EP400: variants seen among roughly 807,000 people sequenced by gnomAD.
The protein encoded by EP400 is E1A binding protein p400, also known as E1A-binding protein p400.
EP400 carries 105 observed loss-of-function variants against 354.1 expected under a neutral mutation model. That is an observed-to-expected ratio of 0.30 (90% CI 0.25 to 0.35). EP400 has a LOEUF of 0.35. Ranked by LOEUF, EP400 falls within the 10% of genes least tolerant of loss-of-function variation. EP400 has a pLI of 1.00. For missense variants in EP400, 3,280 were observed against 4,121.0 expected (o/e 0.80, Z 5.59); for synonymous variants, 1,646 against 1,716.9 (o/e 0.96, Z 1.02).
At chr12:131,963,638 T>A in intron 2 of EP400, 1 of 1,597,426 alleles carries the variant, frequency 6.3e-7, no homozygotes, top group Non-Finnish European at 8.5e-7. Context: ...CAGCAACCAT[T>A]TCAGGTACTT....
At chr12:131,968,861 G>C (rs151240876) in intron 2 of EP400, among the ~76,000 whole-genome samples, 1 of 152,160 alleles carries the variant, frequency 6.6e-6, no homozygotes, top group African/African-American at 2.4e-5. Context: ...GCTGTTTATT[G>C]TAAGTATATA....
rs530882438 is a variant in EP400, at chr12:131,991,954, C to T, written c.2680-219C>T. Among the ~76,000 whole-genome samples, 10 of 152,300 alleles carry T rather than the reference C, an allele frequency of 6.6e-5. No homozygotes were observed. In the South Asian group the frequency reaches 2.1e-3, roughly 32 times the overall value. On this transcript the variant is annotated intron_variant, in intron 10 of 52. Coordinates refer to ENST00000389561, the MANE Select transcript of EP400 (RefSeq NM_015409.5). Reference sequence around the variant, plus strand: ...AACTGGTGCTTTATAGCCTTAGTCTCACGTGGGGTGTTAATTTGGCAGTGA... The same window carrying T: ...AACTGGTGCTTTATAGCCTTAGTCTTACGTGGGGTGTTAATTTGGCAGTGA...
chr12:132,051,709 T>C (rs186843603), intron 41 of EP400, among the ~76,000 whole-genome samples: 7 of 152,226 alleles, frequency 4.6e-5, no homozygotes, highest in South Asian at 2.1e-4. Flanking sequence ...AAGCACAGCA[T>C]CACAGGGAGA....
rs767231363 is a variant in EP400 at position 132,006,805 on chromosome 12, T to C, written c.3232T>C (p.Leu1078=). Residue 1078 remains leucine (L), a synonymous_variant, in exon 15 of 53, where the codon TTG becomes CTG. Transcript: ENST00000389561. ...TTACAGGAAGAATCTCAATGGCATA[T>C]TGGCAGATGAAGCTGGGCTGGGTAA... ...KLYRKNLNGI[L]ADEAGLGKTV... The C allele has an allele frequency of 1.2e-6, 2 of 1,614,186 alleles. No individual in the cohort carries two copies. Among genetic ancestry groups the C allele is most frequent in the Non-Finnish European group, 8.5e-7 (1 of 1,180,024 alleles).
chr12:132,044,191 T>G lies in EP400; in HGVS notation c.6465T>G (p.Thr2155=). 6.2e-7 allele frequency: 1 copy of G among 1,614,226 alleles called. No homozygotes were observed. The highest frequency in any genetic ancestry group is 8.5e-7 in the Non-Finnish European group (1 of 1,180,038). ...CTCCCCGTCAGGACGCAGTGATGAC[T>G]GCAGTGAGGGCATGGGAGTTCTGGA... ...KERNSEDAVM[T]AVRAWEFWNL... The change falls in exon 35 of 53, where the codon ACT becomes ACG. Residue 2155 remains threonine (T), a synonymous_variant. Transcript: ENST00000389561.
Position 132,029,419 on chromosome 12 carries a change from A to ATCTGT in EP400, c.5382-282_5382-281insTCTGT, listed in dbSNP as rs1894412297. The ATCTGT allele has an allele frequency of 1.9e-6, 1 of 516,470 alleles. No individual in the cohort carries two copies. The highest frequency in any genetic ancestry group is 2.9e-5 in the South Asian group (1 of 34,384). 32.0% of individuals were successfully genotyped at this position (516,470 alleles called of 1,614,324 possible). A position where few individuals can be genotyped will look rare whatever the true frequency, so the allele number is the denominator to read the frequency against. On this transcript the variant is annotated intron_variant, in intron 27 of 52. Coordinates refer to ENST00000389561, the MANE Select transcript of EP400 (RefSeq NM_015409.5). This position sits in a 1 kb window ranked among gnomAD's most constrained non-coding sequence, Gnocchi z 4.7. ...CTAGAAAGAGAATGGCTTATCTCTG[A>ATCTGT]CCTGGTGCCTGCGGCCTAGGGAATC... is the stretch of plus-strand genomic sequence containing the variant.
At chr12:131,975,061 A>G (rs1209339347) in intron 2 of EP400, among the ~76,000 whole-genome samples, 1 of 152,016 alleles carries the variant, frequency 6.6e-6, no homozygotes, top group East Asian at 1.9e-4. Flanking sequence ...ATAAGGTAAA[A>G]CTAAAAATAA....
intron 2 of EP400, among the ~76,000 whole-genome samples, chr12:131,975,197 G>A (rs926789151): frequency 1.3e-5 from 2 of 152,118 alleles, no homozygotes; most frequent in Non-Finnish European, 2.9e-5. Context: ...AGCCACAGCC[G>A]GGGAGCAGTC....
rs186360855 is a variant in EP400, at chr12:131,999,727, C to T, written c.2827+4771C>T. The stretch of plus-strand genomic sequence containing the variant: ...GTGCTGGGGTTACAGGCTGAGCCAC[C>T]GTGCCTGGCCCTCATACATTAAATT... On this transcript the variant is annotated intron_variant, in intron 12 of 52. Transcript: ENST00000389561. Among the ~76,000 whole-genome samples the T allele has an allele frequency of 3.9e-4, 60 of 152,226 alleles. 1 individual carries two copies. The highest frequency in any genetic ancestry group is 1.3e-3 in the African/African-American group (53 of 41,544).
At chr12:132,024,814 C>T (rs1254229285) in intron 24 of EP400, among the ~76,000 whole-genome samples, 6 of 151,558 alleles carry the variant, frequency 4.0e-5, no homozygotes, top group Non-Finnish European at 8.8e-5. Context: ...GCCACCCCCC[C>T]ACAGCAGCCC....
chr12:131,993,571 G>A (rs1048286219), intron 11 of EP400, among the ~76,000 whole-genome samples: 1 of 152,204 alleles, frequency 6.6e-6, no homozygotes, highest in African/African-American at 2.4e-5. Context: ...GCACATTTGT[G>A]TACAGTCATG....
rs1024088989 is a variant in EP400, at chr12:132,054,820, C to T, written c.7729-154C>T. 1.3e-5 allele frequency among the ~76,000 whole-genome samples: 2 copies of T among 151,866 alleles called. No homozygotes were observed. Among genetic ancestry groups the T allele is most frequent in the East Asian group, 3.9e-4 (2 of 5,182 alleles). On this transcript the variant is annotated intron_variant, in intron 43 of 52. Transcript: ENST00000389561. The surrounding 1 kb of genome is among the most constrained non-coding windows in gnomAD (Gnocchi z 4.0). The stretch of plus-strand genomic sequence containing the variant: ...AGCAGGTAGACAGAGGGTGGGGGCA[C>T]CGCCAGGTGGAATGAGCTGGGGAGG...
chr12:132,055,848 C>T (rs868259772), intron 45 of EP400, among the ~76,000 whole-genome samples: 10 of 151,718 alleles, frequency 6.6e-5, no homozygotes, highest in South Asian at 4.1e-4. Context: ...ATTCTATTGC[C>T]GCAGGTGCCC....
intron 45 of EP400, among the ~76,000 whole-genome samples, chr12:132,058,573 A>T (rs1895590284): frequency 6.6e-6 from 1 of 151,654 alleles, no homozygotes; most frequent in Non-Finnish European, 1.5e-5. Flanking sequence ...GCTGGTCTTG[A>T]ACTCCTGATC....
intron 2 of EP400, among the ~76,000 whole-genome samples, chr12:131,976,253 T>A (rs1009032915): frequency 6.6e-6 from 1 of 152,202 alleles, no homozygotes; most frequent in Non-Finnish European, 1.5e-5. Context: ...GGTGTCTGAG[T>A]ATGGCTCGTG....
At chr12:132,003,159 A>G (rs1040441717) in intron 12 of EP400, among the ~76,000 whole-genome samples, 2 of 151,632 alleles carry the variant, frequency 1.3e-5, no homozygotes, top group African/African-American at 4.8e-5. Flanking sequence ...CAGCCTGGGC[A>G]ACATAGCAAG....
Position 132,048,587 on chromosome 12 carries a change from A to T in EP400, c.7201-1736A>T, listed in dbSNP as rs563779002. Among the ~76,000 whole-genome samples, 3 of 148,680 alleles carry T rather than the reference A, an allele frequency of 2.0e-5. No homozygotes were observed. The East Asian group carries it at 5.9e-4, about 29-fold the overall frequency. On this transcript the variant is annotated intron_variant, in intron 39 of 52. Coordinates refer to ENST00000389561, the MANE Select transcript of EP400 (RefSeq NM_015409.5). ...ACCTAGGCTGGAGTGCAGTGGCACGATCTCGGCTCACTGCAACCTCTGCCT... is the reference window on the plus strand; with the variant it reads ...ACCTAGGCTGGAGTGCAGTGGCACGTTCTCGGCTCACTGCAACCTCTGCCT...
intron 2 of EP400, chr12:131,963,537 G>A: frequency 1.3e-6 from 2 of 1,596,916 alleles, no homozygotes; most frequent in Non-Finnish European, 1.7e-6. Flanking sequence ...CTCAGGTAAA[G>A]GTTGTGACAG....
chr12:132,021,330 C>T lies in EP400; in HGVS notation c.4690+9C>T, dbSNP rs759392656. On this transcript the variant is annotated intron_variant, in intron 23 of 52. Transcript: ENST00000389561. The stretch of plus-strand genomic sequence containing the variant: ...CCAGGCCCGCTTGCCCAGTAAGTGG[C>T]CTCACCTTTCCAGGTTTCTGCCATC... The T allele has an allele frequency of 2.0e-6, 3 of 1,505,064 alleles. No homozygotes were observed. Among genetic ancestry groups the T allele is most frequent in the South Asian group, 2.5e-5 (2 of 79,148 alleles). The allele number at this position is 1,505,064 out of a possible 1,614,324, so 93.2% of individuals were successfully genotyped here.
Sources: allele counts gnomAD v4.1 joint callset (sites outside exome capture counted in the v4.1 genomes callset), GRCh38; gene constraint gnomAD v4.1.1; non-coding constraint Gnocchi (gnomAD v3.1); transcripts MANE v1.5; gene names NCBI Gene and HGNC (gene_info 2026-07-23, HGNC 2026-07-21).